MAPK10: variants seen among roughly 807,000 people sequenced by gnomAD.
MAPK10 encodes the protein mitogen-activated protein kinase 10, also known as JNK3 alpha protein kinase.
Under a neutral mutation model 59.3 loss-of-function variants are expected in MAPK10, and 25 were observed. That is an observed-to-expected ratio of 0.42 (90% CI 0.31 to 0.59). The LOEUF (loss-of-function observed/expected upper bound fraction) is 0.59. Among genes scored for constraint, MAPK10 ranks in the 20% least tolerant of loss-of-function variants. The pLI is 0.15. For missense variants in MAPK10, 351 were observed against 568.9 expected, an observed-to-expected ratio of 0.62 and a Z score of 3.90; for synonymous variants, 190 against 200.5, an observed-to-expected ratio of 0.95 and a Z score of 0.44.
At chr4:86,410,412 C>T (rs1482619404) in intron 1 of MAPK10, among the ~76,000 whole-genome samples, 2 of 152,154 alleles carry the variant, frequency 1.3e-5, no homozygotes. Flanking sequence ...TGATGCTGGC[C>T]TCATAAAATG....
intron 4 of MAPK10, among the ~76,000 whole-genome samples, chr4:86,145,165 T>G (rs888309533): frequency 6.6e-6 from 1 of 152,176 alleles, no homozygotes; most frequent in Non-Finnish European, 1.5e-5. Context: ...CTTTTTCCTA[T>G]GTAGCACAAG....
rs574990658 is a variant in MAPK10, at chr4:86,304,236, G to A, written c.-7+50294C>T. Among the ~76,000 whole-genome samples the A allele has an allele frequency of 1.8e-3, 274 of 152,260 alleles. 5 individuals are homozygous for A. The South Asian group carries it at 0.03, about 17-fold the overall frequency. On this transcript the variant is annotated intron_variant, in intron 2 of 13. Coordinates refer to ENST00000641462, the MANE Select transcript of MAPK10 (RefSeq NM_138982.4). ...GTGAAAGATCTCACGTGCCATGCAA[G>A]AGTATAGACTGTCCAAAAACAGTGG...
At chr4:86,296,964 A>C (rs921307919) in intron 2 of MAPK10, among the ~76,000 whole-genome samples, 2 of 152,156 alleles carry the variant, frequency 1.3e-5, no homozygotes, top group African/African-American at 4.8e-5. Context: ...TGGTTATCAA[A>C]CTTCGTGTGC....
chr4:86,527,312 CAAAAAAAAAAAA>C (rs57390422), intron 1 of MAPK10, among the ~76,000 whole-genome samples: 5 of 16,196 alleles, frequency 3.1e-4, no homozygotes, highest in East Asian at 5.3e-3. Context: ...ACACTGTTGC[CAAAAAAAAAAAA>C]AAAAAAAAAA....
chr4:86,413,715 C>T lies in MAPK10; in HGVS notation c.-122+39315G>A, dbSNP rs374601508. Among the ~76,000 whole-genome samples, 11 of 152,330 alleles carry T rather than the reference C, an allele frequency of 7.2e-5. No individual in the cohort carries two copies. In the East Asian group the frequency reaches 1.5e-3, roughly 21 times the overall value. On this transcript the variant is annotated intron_variant, in intron 1 of 13. Transcript: ENST00000361569. ...AGCAAGCCTCCATGTGCATGGGACC[C>T]GCCGAGCCAGGCATGGGACTGTATC...
intron 11 of MAPK10, chr4:86,032,352 A>G (rs1443258590): frequency 6.6e-6 from 1 of 152,150 alleles, no homozygotes; most frequent in African/African-American, 2.4e-5. Context: ...AAGAAAAAAA[A>G]AAGGCTCTTG....
chr4:86,286,205 C>A (rs1008842127), intron 2 of MAPK10, among the ~76,000 whole-genome samples: 1 of 152,116 alleles, frequency 6.6e-6, no homozygotes, highest in Non-Finnish European at 1.5e-5. Flanking sequence ...ATTTGCAATC[C>A]TTGGCCTACA....
intron 4 of MAPK10, among the ~76,000 whole-genome samples, chr4:86,155,747 G>A (rs1290090284): frequency 2.0e-5 from 3 of 151,990 alleles, no homozygotes; most frequent in African/African-American, 7.2e-5. Context: ...TAAGATTTTT[G>A]TTCTTTCCTC....
chr4:86,191,553 C>CTTTTTTTTTTTTTT lies in MAPK10; in HGVS notation c.66+2769_66+2782dup, dbSNP rs35357476. 2.0e-4 allele frequency: 6 copies of CTTTTTTTTTTTTTT among 30,410 alleles called. 1 individual carries two copies. The highest frequency in any genetic ancestry group is 3.5e-4 in the Non-Finnish European group (3 of 8,628). 1.9% of individuals were successfully genotyped at this position (30,410 alleles called of 1,614,324 possible). On this transcript the variant is annotated intron_variant, in intron 3 of 13. Transcript: ENST00000641462. ...TCAGAGACTAGGATTACAACCCGTG[C>CTTTTTTTTTTTTTT]TTTTTTTTTTTTTTTTTTTTTTTTT...
At chr4:86,537,638 G>A (rs191275405) in intron 1 of MAPK10, among the ~76,000 whole-genome samples, 59 of 152,044 alleles carry the variant, frequency 3.9e-4, no homozygotes, top group African/African-American at 1.3e-3. Flanking sequence ...AAATATTTTT[G>A]GTTCTATCTC....
At chr4:86,050,424 G>A (rs975921600) in intron 11 of MAPK10, among the ~76,000 whole-genome samples, 1 of 152,122 alleles carries the variant, frequency 6.6e-6, no homozygotes, top group Non-Finnish European at 1.5e-5. Context: ...AAGGTATGAT[G>A]AGACTTTGAG....
intron 4 of MAPK10, among the ~76,000 whole-genome samples, chr4:86,135,025 G>A (rs751443046): frequency 4.6e-5 from 7 of 152,320 alleles, no homozygotes; most frequent in Middle Eastern, 3.4e-3. Context: ...CACGTGGCTC[G>A]GAGGGTCCTA....
intron 1 of MAPK10, among the ~76,000 whole-genome samples, chr4:86,369,832 G>A (rs557478074): frequency 6.6e-6 from 1 of 152,288 alleles, no homozygotes; most frequent in East Asian, 1.9e-4. Context: ...AAGCTTATTA[G>A]AAATATGTAT....
intron 2 of MAPK10, among the ~76,000 whole-genome samples, chr4:86,325,039 G>T (rs2095991073): frequency 6.6e-6 from 1 of 152,102 alleles, no homozygotes; most frequent in South Asian, 2.1e-4. Context: ...AGGAAATAGA[G>T]ATTTCAATTT....
chr4:86,292,819 G>C (rs893486721), intron 2 of MAPK10, among the ~76,000 whole-genome samples: 1 of 152,124 alleles, frequency 6.6e-6, no homozygotes, highest in African/African-American at 2.4e-5. Flanking sequence ...ATTGAGTATG[G>C]GAGGGCCAAT....
intron 1 of MAPK10, among the ~76,000 whole-genome samples, chr4:86,359,263 CCTCTCTCT>C (rs367595812): frequency 3.2e-4 from 17 of 53,452 alleles, no homozygotes; most frequent in African/African-American, 5.3e-4. Context: ...TTTTTTTTTT[CCTCTCTCT>C]CTCTCTCTCT....
intron 13 of MAPK10, chr4:86,027,324 C>A (rs954764703): frequency 1.3e-5 from 2 of 152,132 alleles, no homozygotes; most frequent in Non-Finnish European, 2.9e-5. Flanking sequence ...AGTGGCTTAG[C>A]CTTCTCACTC....
At chr4:86,507,862 T>C (rs1306838215) in intron 1 of MAPK10, among the ~76,000 whole-genome samples, 2 of 150,040 alleles carry the variant, frequency 1.3e-5, no homozygotes, top group African/African-American at 4.9e-5. Flanking sequence ...ACAAGAACTA[T>C]CACCAAAGAC....
At chr4:86,072,328 T>A (rs1017396694) in intron 9 of MAPK10, among the ~76,000 whole-genome samples, 10 of 152,132 alleles carry the variant, frequency 6.6e-5, no homozygotes. Context: ...TACAATCATG[T>A]CGTCTCCAAA....
Sources: allele counts gnomAD v4.1 joint callset (sites outside exome capture counted in the v4.1 genomes callset), GRCh38; gene constraint gnomAD v4.1.1; transcripts MANE v1.5; gene names NCBI Gene and HGNC (gene_info 2026-07-23, HGNC 2026-07-21).